Variants in PLXNA4 observed in about 807,000 individuals in gnomAD.
The protein encoded by PLXNA4 is plexin-A4.
PLXNA4 carries 44 observed loss-of-function variants against 191.8 expected under a neutral mutation model. The ratio of observed to expected loss-of-function variants is 0.23; its 90% CI spans 0.18 to 0.29. The LOEUF (loss-of-function observed/expected upper bound fraction) is 0.29, where lower values mean the gene tolerates loss of function less well. Among genes scored for constraint, PLXNA4 ranks in the 10% least tolerant of loss-of-function variants. PLXNA4 has a pLI of 1.00. For synonymous variants in PLXNA4, 1,082 were observed against 1,009.5 expected (o/e 1.07, Z -1.36); for missense variants, 1,800 against 2,488.8 (o/e 0.72, Z 5.89).
chr7:132,374,592 G>T (rs1306040811), intron 3 of PLXNA4, among the ~76,000 whole-genome samples: 1 of 152,156 alleles, frequency 6.6e-6, no homozygotes, highest in Non-Finnish European at 1.5e-5. Flanking sequence ...TGGGTCCCAG[G>T]AGCTGGTGTA....
At chr7:132,303,984 A>G (rs1189485506) in intron 3 of PLXNA4, among the ~76,000 whole-genome samples, 1 of 152,206 alleles carries the variant, frequency 6.6e-6, no homozygotes, top group Non-Finnish European at 1.5e-5. Context: ...AGAGCTACCA[A>G]TATGGCATGC....
intron 1 of PLXNA4, among the ~76,000 whole-genome samples, chr7:132,543,036 G>A (rs1004221545): frequency 1.3e-5 from 2 of 152,080 alleles, no homozygotes; most frequent in African/African-American, 4.8e-5. Context: ...ATTTCCTTGT[G>A]TGTCAGCTTA....
At chr7:132,409,345 G>A (rs529711156) in intron 3 of PLXNA4, among the ~76,000 whole-genome samples, 2 of 152,242 alleles carry the variant, frequency 1.3e-5, no homozygotes, top group African/African-American at 4.8e-5. Context: ...ACCCCCTATG[G>A]CAGCTCCAGC....
chr7:132,337,278 A>G (rs1218845843), intron 3 of PLXNA4, among the ~76,000 whole-genome samples: 1 of 152,242 alleles, frequency 6.6e-6, no homozygotes, highest in Non-Finnish European at 1.5e-5. Flanking sequence ...CTATGTGCAA[A>G]TAAAAACTGG....
chr7:132,264,669 T>G (rs1208082323), intron 4 of PLXNA4, among the ~76,000 whole-genome samples: 1 of 150,124 alleles, frequency 6.7e-6, no homozygotes, highest in African/African-American at 2.5e-5. Context: ...TGGGAAATAC[T>G]GTCGGTCCTC....
chr7:132,620,579 G>T (rs1248744930), intron 2 of PLXNA4, among the ~76,000 whole-genome samples: 4 of 152,078 alleles, frequency 2.6e-5, no homozygotes, highest in African/African-American at 7.2e-5. Flanking sequence ...CATTGCCCTG[G>T]TTTATAACCT....
intron 4 of PLXNA4, among the ~76,000 whole-genome samples, chr7:132,273,307 T>C (rs1264389129): frequency 6.6e-6 from 1 of 151,824 alleles, no homozygotes; most frequent in African/African-American, 2.4e-5. Flanking sequence ...CTTTAATTCA[T>C]GCCTCATTGG....
intron 3 of PLXNA4, among the ~76,000 whole-genome samples, chr7:132,425,758 C>G (rs1363621963): frequency 1.3e-5 from 2 of 152,206 alleles, no homozygotes; most frequent in African/African-American, 4.8e-5. Flanking sequence ...AGAAAGGAAC[C>G]AAAGCCAAAT....
At chr7:132,215,573 C>G (rs1797937204) in intron 9 of PLXNA4, among the ~76,000 whole-genome samples, 1 of 152,128 alleles carries the variant, frequency 6.6e-6, no homozygotes, top group African/African-American at 2.4e-5. Flanking sequence ...TGAGGTGACT[C>G]CTGGAGGATG....
chr7:132,622,507 A>G (rs948805143), intron 2 of PLXNA4, among the ~76,000 whole-genome samples: 6 of 152,096 alleles, frequency 3.9e-5, no homozygotes, highest in Non-Finnish European at 8.8e-5. Flanking sequence ...AGAATACTCC[A>G]TCTTACAAAC....
chr7:132,581,579 T>A (rs538373961), upstream of PLXNA4, among the ~76,000 whole-genome samples: 1 of 152,330 alleles, frequency 6.6e-6, no homozygotes, highest in South Asian at 2.1e-4. Context: ...TGGAAGGACA[T>A]CTCTGCATTG....
At position 132,147,890 on chromosome 7, in the gene PLXNA4, G is replaced by A. The variant is rs760405929; in HGVS notation, c.4864+10C>T. 1.2e-6 allele frequency: 2 copies of A among 1,613,892 alleles called. No individual in the cohort carries two copies. The highest frequency in any genetic ancestry group is 1.3e-5 in the African/African-American group (1 of 74,884). On this transcript the variant is annotated intron_variant, in intron 27 of 31. Transcript: ENST00000321063. ...CCCAGGCCTCCCTAGGACACTCGGT[G>A]GGATCTTACCATATTTACTTGCTGA...
chr7:132,298,151 G>T lies in PLXNA4; in HGVS notation c.1443C>A (p.Val481=), dbSNP rs767579115. Residue 481 remains valine, a synonymous_variant, in exon 4 of 32, where the codon GTC becomes GTA. Transcript: ENST00000321063. ...ETVQVVDPGP[V]LRDMAFSKDH... The stretch of plus-strand genomic sequence containing the variant: ...CCTTGGAGAAGGCCATATCCCGGAG[G>T]ACTGGGCCGGGGTCCACCACCTGCA... The T allele has an allele frequency of 1.9e-6, 3 of 1,614,062 alleles. No individual in the cohort carries two copies. The African/African-American group carries it at 4.0e-5, about 22-fold the overall frequency.
chr7:132,182,012 T>C (rs1359506145), intron 17 of PLXNA4, 85 bp downstream of exon 17: 1 of 1,598,518 alleles, frequency 6.3e-7, no homozygotes, highest in Non-Finnish European at 8.5e-7. Flanking sequence ...GGGAGTTACC[T>C]CAGTACTTGG....
intron 5 of PLXNA4, among the ~76,000 whole-genome samples, chr7:132,235,563 G>A (rs1252213921): frequency 6.6e-6 from 1 of 152,202 alleles, no homozygotes; most frequent in Non-Finnish European, 1.5e-5. Context: ...TCGTGAGGGG[G>A]TGAAAGGGAG....
At chr7:132,199,064 A>G (rs1797350224) in intron 12 of PLXNA4, among the ~76,000 whole-genome samples, 1 of 152,178 alleles carries the variant, frequency 6.6e-6, no homozygotes. Flanking sequence ...TCCTTCTCAA[A>G]TGACACTGCC....
chr7:132,587,665 C>T (rs1294620624), intron 2 of PLXNA4, among the ~76,000 whole-genome samples: 1 of 152,030 alleles, frequency 6.6e-6, no homozygotes, highest in African/African-American at 2.4e-5. Context: ...AATATCCCAC[C>T]CAAGACCATT....
chr7:132,573,717 G>T (rs1802085324), intron 1 of PLXNA4, among the ~76,000 whole-genome samples: 1 of 152,220 alleles, frequency 6.6e-6, no homozygotes, highest in Non-Finnish European at 1.5e-5. Context: ...GTGTCCCAGT[G>T]GGCATCCAGG....
chr7:132,527,085 A>G (rs1410737335), intron 1 of PLXNA4, among the ~76,000 whole-genome samples: 1 of 152,224 alleles, frequency 6.6e-6, no homozygotes, highest in Admixed American at 6.5e-5. Context: ...CCATGCTCTT[A>G]GAAGTTAATG....
Sources: gnomAD v4.1 joint callset for allele counts (sites outside exome capture counted in the v4.1 genomes callset) on GRCh38, gnomAD v4.1.1 for gene constraint, MANE v1.5 for transcripts, NCBI Gene and HGNC (gene_info 2026-07-23, HGNC 2026-07-21) for gene names.